CEP72: variants seen among roughly 807,000 people sequenced by gnomAD.
CEP72 encodes the protein centrosomal protein 72.
A neutral mutation model predicts 65.7 loss-of-function variants in CEP72; 78 were observed. That is an observed-to-expected ratio of 1.19 (90% confidence interval 0.99 to 1.43). CEP72 has a LOEUF of 1.43. CEP72 is among the 40% of genes most tolerant of loss of function. CEP72 has a pLI of 0.00. For synonymous variants in CEP72, 358 were observed against 351.7 expected, an observed-to-expected ratio of 1.02 and a Z score of -0.20; for missense variants, 914 against 832.9, an observed-to-expected ratio of 1.10 and a Z score of -1.20.
At chr5:666,093 C>T in exon 4 of CEP72, 1 of 1,612,094 alleles carries the variant, frequency 6.2e-7, no homozygotes. Flanking sequence ...CCTGGAACTG[C>T]TCAAAGGTGA....
At chr5:639,016 C>T (rs1249782091) in intron 7 of CEP72, 73 bp from the exon 8 acceptor site, 39 of 1,587,998 alleles carry the variant, frequency 2.5e-5, no homozygotes, top group South Asian at 1.9e-4. Context: ...TCCCAGGGTG[C>T]GCTTGGGCAC....
At chr5:648,791 TGACTGTGAGGCGTG>T (rs1738644952) in intron 11 of CEP72, among the ~76,000 whole-genome samples, 2 of 115,588 alleles carry the variant, frequency 1.7e-5, no homozygotes, top group Non-Finnish European at 3.5e-5. Context: ...CTGTGAGGTG[TGACTGTGAGGCGTG>T]GACTGTGAGG....
rs143821999 is a variant in CEP72 at position 624,482 on chromosome 5, G to T, written c.415G>T (p.Val139Leu). 3.1e-6 allele frequency: 5 copies of T among 1,613,858 alleles called. No individual in the cohort carries two copies. In the African/African-American group the frequency reaches 4.0e-5, roughly 13 times the overall value. ...GCCTTTTCTTCTAGACGATCGCCCC[G>T]TGAGAGCAAGCGAGCGGAAGGCTTC... Reference protein sequence around the residue: ...PKLQQLDDRPVRASERKASRL... With the variant: ...PKLQQLDDRPLRASERKASRL... The change falls in exon 4 of 12, where the codon GTG (valine) becomes TTG (leucine). Residue 139 changes from valine (V) to leucine (L), a missense_variant. Transcript: ENST00000264935. This position sits in a 1 kb window ranked among gnomAD's most constrained non-coding sequence, Gnocchi z 4.7.
downstream of CEP72, among the ~76,000 whole-genome samples, chr5:668,175 A>C (rs1376707001): frequency 8.0e-6 from 1 of 124,374 alleles, no homozygotes; most frequent in African/African-American, 3.0e-5. Flanking sequence ...GCACACGGAG[A>C]GGGGTCCGCG....
At chr5:662,056 C>T (rs1417200909), downstream of CEP72, 1 of 152,428 alleles carries the variant, frequency 6.6e-6, no homozygotes, top group East Asian at 1.9e-4. Context: ...TCACGAAACC[C>T]ACAGGCGTGG....
In CEP72 at chr5:645,333, T is replaced by G. The variant is rs941794621; in HGVS notation, c.1666+908T>G. Among the ~76,000 whole-genome samples the G allele has an allele frequency of 2.0e-5, 3 of 152,192 alleles. No homozygotes were observed. The highest frequency in any genetic ancestry group is 2.0e-4 in the Admixed American group (3 of 15,278). ...TGTTTTATCGAGCGGTAAGAGTTCC[T>G]TAGAGTCTTCTTTTTTATTTATAAA... On this transcript the variant is annotated intron_variant, in intron 10 of 11. Transcript: ENST00000264935. The surrounding 1 kb of genome is among the most constrained non-coding windows in gnomAD (Gnocchi z 4.0).
chr5:631,878 C>T (rs1737212431), intron 4 of CEP72, among the ~76,000 whole-genome samples: 1 of 36,666 alleles, frequency 2.7e-5, no homozygotes, highest in Admixed American at 3.1e-4. Context: ...CTGGATTTGA[C>T]CCAGTCCTGG....
intron 9 of CEP72, chr5:641,602 A>G: frequency 1.0e-6 from 1 of 976,880 alleles, no homozygotes. Flanking sequence ...AAGCCTCTGC[A>G]CGTGGCCTTC....
chr5:657,353 T>C (rs1408179868), downstream of CEP72, among the ~76,000 whole-genome samples: 1 of 152,208 alleles, frequency 6.6e-6, no homozygotes, highest in Non-Finnish European at 1.5e-5. Context: ...TTAGTATCTC[T>C]CTTCACGGGT....
At position 640,449 on chromosome 5, in the gene CEP72, G is replaced by C; in HGVS notation, c.1384G>C (p.Ala462Pro). 1 of 1,614,174 alleles carries C rather than the reference G, an allele frequency of 6.2e-7. No homozygotes were observed. The highest frequency in any genetic ancestry group is 8.5e-7 in the Non-Finnish European group (1 of 1,180,008). ...CTTGTCATCTGTTGAAGAATTCACA[G>C]CAGCTCAGGACAGCTCTGCGATGGT... ...HILSSVEEFT[A>P]AQDSSAMVGE... is the part of the protein sequence containing the mutation. Residue 462 changes from alanine (A) to proline (P), a missense_variant, in exon 9 of 12, where the codon GCA becomes CCA. By Grantham distance (27) the Ala-to-Pro change is conservative (BLOSUM62 -1). Transcript: ENST00000264935.
chr5:649,188 CTG>C (rs1483144323), intron 11 of CEP72, among the ~76,000 whole-genome samples: 2 of 122,598 alleles, frequency 1.6e-5, no homozygotes, highest in Non-Finnish European at 3.4e-5. Context: ...TGAGGTGTGA[CTG>C]TGAGGTGTGA....
intron 2 of CEP72, among the ~76,000 whole-genome samples, chr5:619,401 T>G (rs1398406838): frequency 6.6e-6 from 1 of 152,192 alleles, no homozygotes; most frequent in Non-Finnish European, 1.5e-5. Context: ...CCTCCTGGGC[T>G]CCTGGCAGGG....
intron 1 of CEP72, among the ~76,000 whole-genome samples, chr5:613,790 TGCGGG>T (rs1399337324): frequency 5.3e-5 from 8 of 152,228 alleles, no homozygotes; most frequent in Non-Finnish European, 1.0e-4. Context: ...TGAATCCGCT[TGCGGG>T]GCCCTTTAGA....
intron 6 of CEP72, among the ~76,000 whole-genome samples, chr5:636,954 T>C (rs934674103): frequency 1.3e-5 from 2 of 152,100 alleles, no homozygotes; most frequent in Non-Finnish European, 2.9e-5. Flanking sequence ...TGGGTCATCT[T>C]GAGTTGAGCA....
chr5:634,660 C>T lies in CEP72; in HGVS notation c.692-712C>T, dbSNP rs870571. On this transcript the variant is annotated intron_variant, in intron 5 of 11. Transcript: ENST00000264935. ...CATCCGCTGCTGTTGAGATACTGGC[C>T]GTGCCTGTCTCTTCTTTTCTCTCCA... 5.9e-3 allele frequency among the ~76,000 whole-genome samples: 892 copies of T among 152,162 alleles called. 30 individuals carry two copies. Among genetic ancestry groups the T allele is most frequent in the Admixed American group, 0.049 (745 of 15,274 alleles).
intron 4 of CEP72, among the ~76,000 whole-genome samples, chr5:625,806 TC>T (rs1736718029): frequency 6.6e-6 from 1 of 151,912 alleles, no homozygotes; most frequent in Admixed American, 6.6e-5. Flanking sequence ...TCGGAGGGCC[TC>T]CCTCCAGCCC....
the CEP72 span, chr5:676,303 G>A: frequency 6.6e-6 from 1 of 152,366 alleles, no homozygotes; most frequent in South Asian, 2.1e-4. Context: ...GGGGATGTGT[G>A]ACCCGGGAGA....
At chr5:660,960 T>TA (rs1739567345), downstream of CEP72, 1 of 152,276 alleles carries the variant, frequency 6.6e-6, no homozygotes, top group African/African-American at 2.4e-5. Context: ...TATTAGAAGG[T>TA]GTAAAAGTAG....
chr5:658,683 T>C (rs1739457725), downstream of CEP72, among the ~76,000 whole-genome samples: 1 of 101,866 alleles, frequency 9.8e-6, no homozygotes. Flanking sequence ...TTTTTTTTTT[T>C]TTTGAGATGG....
Sources: allele counts gnomAD v4.1 joint callset (sites outside exome capture counted in the v4.1 genomes callset), GRCh38; gene constraint gnomAD v4.1.1; non-coding constraint Gnocchi (gnomAD v3.1); transcripts MANE v1.5; gene names NCBI Gene and HGNC (gene_info 2026-07-23, HGNC 2026-07-21).